Variants in SPATA24 observed in about 807,000 individuals in gnomAD.
SPATA24 encodes spermatogenesis associated 24, also known as spermatogenesis-associated protein 24.
A neutral mutation model predicts 28.9 loss-of-function variants in SPATA24; 21 were observed. That is an observed-to-expected ratio of 0.73 (90% CI 0.52 to 1.05). SPATA24 has a LOEUF of 1.05. Ranked by LOEUF, SPATA24 falls within the 50% of genes least tolerant of loss-of-function variation. The probability of loss-of-function intolerance (pLI) is 0.00; values close to 1 mark genes in which losing one functional copy is unlikely to be tolerated. For synonymous variants in SPATA24, 76 were observed against 89.9 expected (o/e 0.85, Z 0.88); for missense variants, 215 against 242.9 (o/e 0.88, Z 0.76).
chr5:139,394,854 C>T (rs756567892), downstream of SPATA24: 11 of 1,531,588 alleles, frequency 7.2e-6, no homozygotes, highest in East Asian at 2.6e-5. Flanking sequence ...GGCGGCTATT[C>T]TGGGCGCTGA....
At chr5:139,396,116 T>C, downstream of SPATA24, 1 of 945,318 alleles carries the variant, frequency 1.1e-6, no homozygotes, top group South Asian at 4.9e-5. Context: ...CCCCCTCCTG[T>C]GCACTTGGCC....
chr5:139,400,495 A>T, intron 4 of SPATA24, among the ~76,000 whole-genome samples: 1 of 151,728 alleles, frequency 6.6e-6, no homozygotes, highest in East Asian at 2.0e-4. Context: ...TTTAGTAGAG[A>T]TGGGGTTTCA....
chr5:139,401,843 G>A lies in SPATA24; in HGVS notation c.315-18C>T. 2 of 1,548,242 alleles carry A rather than the reference G, an allele frequency of 1.3e-6. No individual in the cohort carries two copies. The highest frequency in any genetic ancestry group is 1.7e-6 in the Non-Finnish European group (2 of 1,144,360). ...TGGAGAGCCTGGGTGGGGAAGATAAGATGGGAGGGTGGGCAGGCTAGCAAG... is the reference window on the plus strand; with the variant it reads ...TGGAGAGCCTGGGTGGGGAAGATAAAATGGGAGGGTGGGCAGGCTAGCAAG... On this transcript the variant is annotated intron_variant, in intron 3 of 5. Coordinates refer to ENST00000450845, the MANE Select transcript of SPATA24 (RefSeq NM_194296.2).
chr5:139,394,680 C>G, downstream of SPATA24: 2 of 1,534,480 alleles, frequency 1.3e-6, no homozygotes, highest in Non-Finnish European at 1.7e-6. Context: ...GCTCCGTGAA[C>G]TGTTGTTGCG....
At chr5:139,394,824 C>T, downstream of SPATA24, 1 of 1,529,966 alleles carries the variant, frequency 6.5e-7, no homozygotes. Flanking sequence ...GCGGGAAACC[C>T]GAGCCGGGCC....
At chr5:139,393,747 C>A (rs1214708667), downstream of SPATA24, 4 of 1,551,286 alleles carry the variant, frequency 2.6e-6, no homozygotes, top group South Asian at 1.2e-5. Context: ...TGACAGTTTC[C>A]TCGACGGCAG....
chr5:139,403,835 A>G (rs948717748), intron 1 of SPATA24, 109 bp downstream of exon 1: 33 of 936,114 alleles, frequency 3.5e-5, no homozygotes, highest in Non-Finnish European at 5.1e-5. Flanking sequence ...TGATGACGCC[A>G]TGGGCCATGC....
intron 4 of SPATA24, 47 bp downstream of exon 4, chr5:139,401,708 G>C (rs1758825382): frequency 6.5e-7 from 1 of 1,535,944 alleles, no homozygotes; most frequent in Admixed American, 2.0e-5. Flanking sequence ...GGTTAGGAAA[G>C]AGCCCGTTTA....
intron 1 of SPATA24, 63 bp from the exon 2 acceptor site, chr5:139,402,756 C>A: frequency 7.7e-7 from 1 of 1,300,500 alleles, no homozygotes; most frequent in Non-Finnish European, 1.1e-6. Context: ...CCTCTAGGGA[C>A]CAGGACCAAA....
downstream of SPATA24, chr5:139,395,100 G>A (rs1758676015): frequency 7.2e-7 from 1 of 1,390,898 alleles, no homozygotes; most frequent in Non-Finnish European, 9.3e-7. Context: ...CGGACGCCGT[G>A]CACTATCTCC....
chr5:139,401,628 G>A (rs901901145), intron 4 of SPATA24, 127 bp downstream of exon 4: 23 of 1,070,468 alleles, frequency 2.1e-5, no homozygotes, highest in Non-Finnish European at 2.0e-5. Flanking sequence ...TGGCCCACCC[G>A]GGCCTGCCTG....
At chr5:139,399,971 C>T (rs758749355) in intron 4 of SPATA24, among the ~76,000 whole-genome samples, 3 of 152,190 alleles carry the variant, frequency 2.0e-5, no homozygotes, top group Non-Finnish European at 4.4e-5. Flanking sequence ...AGGGGATGCC[C>T]AGGGAGAGGG....
downstream of SPATA24, chr5:139,395,033 G>A: frequency 2.1e-6 from 3 of 1,435,000 alleles, no homozygotes; most frequent in Non-Finnish European, 2.7e-6. Context: ...GCCGTGGGCA[G>A]CTGCCTCGGG....
At chr5:139,394,321 G>A (rs1758656198), downstream of SPATA24, 1 of 1,482,080 alleles carries the variant, frequency 6.7e-7, no homozygotes, top group East Asian at 2.6e-5. Flanking sequence ...TCTGGCCAAC[G>A]CCGTCTGCAC....
downstream of SPATA24, chr5:139,392,894 G>A: frequency 2.6e-6 from 4 of 1,543,504 alleles, no homozygotes; most frequent in Admixed American, 2.0e-5. The surrounding 1 kb of genome is among the most constrained non-coding windows in gnomAD (Gnocchi z 5.8). Flanking sequence ...ATCTCTGTGC[G>A]CTTGAAGGGC....
downstream of SPATA24, chr5:139,394,508 C>A (rs1271952999): frequency 7.0e-7 from 1 of 1,434,222 alleles, no homozygotes; most frequent in East Asian, 2.8e-5. Flanking sequence ...TCCTCCAGAG[C>A]CACCTCCACA....
At chr5:139,400,145 G>C (rs1253042266) in intron 4 of SPATA24, among the ~76,000 whole-genome samples, 1 of 152,108 alleles carries the variant, frequency 6.6e-6, no homozygotes, top group Non-Finnish European at 1.5e-5. Flanking sequence ...CACTCACTAG[G>C]GGAGAGAGAA....
chr5:139,394,862 T>C (rs1055967236), downstream of SPATA24: 1 of 1,529,846 alleles, frequency 6.5e-7, no homozygotes, highest in Admixed American at 2.0e-5. Flanking sequence ...TTCTGGGCGC[T>C]GACGGACAGG....
In SPATA24 at chr5:139,404,048, G is replaced by T; in HGVS notation, c.13C>A (p.Leu5Ile). 6.4e-7 allele frequency: 1 copy of T among 1,551,656 alleles called. No individual in the cohort carries two copies. Among genetic ancestry groups the T allele is most frequent in the Admixed American group, 2.0e-5 (1 of 51,006 alleles). The change falls in exon 1 of 6, where the codon CTC becomes ATC. Residue 5 changes from leucine (L) to isoleucine (I), a missense_variant. Leu to Ile is a conservative substitution (Grantham distance 5, BLOSUM62 2). Coordinates refer to ENST00000450845, the MANE Select transcript of SPATA24 (RefSeq NM_194296.2). MATPLGWSKAGSGSV... is the reference protein window; with the variant it reads MATPIGWSKAGSGSV... ...CCTGACCCCGCCTTCGACCACCCGA[G>T]GGGCGTCGCCATCTTCCGCCCCCGC... is the stretch of plus-strand genomic sequence containing the variant.
Sources: allele counts gnomAD v4.1 joint callset (sites outside exome capture counted in the v4.1 genomes callset), GRCh38; gene constraint gnomAD v4.1.1; non-coding constraint Gnocchi (gnomAD v3.1); transcripts MANE v1.5; gene names NCBI Gene and HGNC (gene_info 2026-07-23, HGNC 2026-07-21).